CLIP1: variants seen among roughly 807,000 people sequenced by gnomAD.
CLIP1 encodes the protein CAP-Gly domain containing linker protein 1, also known as CAP-Gly domain-containing linker protein 1.
CLIP1 carries 66 observed loss-of-function variants against 161.6 expected under a neutral mutation model. The observed-to-expected ratio is 0.41, with a 90% CI of 0.33 to 0.50. The LOEUF (loss-of-function observed/expected upper bound fraction) is 0.50. CLIP1 is among the 20% of genes least tolerant of loss of function. The probability of loss-of-function intolerance (pLI) is 0.27; values close to 1 mark genes in which losing one functional copy is unlikely to be tolerated. For synonymous variants in CLIP1, 598 were observed against 626.2 expected (o/e 0.96, Z 0.67); for missense variants, 1,376 against 1,702.0 (o/e 0.81, Z 3.37).
At chr12:122,407,885 C>G (rs767682023) in intron 1 of CLIP1, among the ~76,000 whole-genome samples, 17 of 151,776 alleles carry the variant, frequency 1.1e-4, no homozygotes, top group Admixed American at 2.6e-4. Context: ...ACCAAAACTG[C>G]TCTGAACAAG....
At chr12:122,331,787 G>A (rs761316121) in intron 15 of CLIP1, among the ~76,000 whole-genome samples, 2 of 151,574 alleles carry the variant, frequency 1.3e-5, no homozygotes, top group African/African-American at 2.4e-5. Flanking sequence ...CTGAGGTCAG[G>A]AGTTTGAGAC....
intron 20 of CLIP1, among the ~76,000 whole-genome samples, chr12:122,297,021 T>G (rs967760181): frequency 6.6e-6 from 1 of 152,116 alleles, no homozygotes; most frequent in East Asian, 1.9e-4. Flanking sequence ...TTGAAACTTT[T>G]CATAATAAAA....
chr12:122,401,497 C>T (rs1665969516), intron 1 of CLIP1, among the ~76,000 whole-genome samples: 1 of 151,520 alleles, frequency 6.6e-6, no homozygotes, highest in Admixed American at 6.6e-5. Flanking sequence ...GAAGCCCCAT[C>T]TCTACTAAAA....
intron 11 of CLIP1, among the ~76,000 whole-genome samples, chr12:122,338,129 G>T (rs1952328951): frequency 6.6e-6 from 1 of 150,574 alleles, no homozygotes; most frequent in African/African-American, 2.4e-5. Context: ...GCTGAGGTCA[G>T]GAGTTCAAGA....
intron 1 of CLIP1, among the ~76,000 whole-genome samples, chr12:122,407,927 C>T (rs1451779763): frequency 1.3e-5 from 2 of 151,856 alleles, no homozygotes; most frequent in Non-Finnish European, 2.9e-5. Context: ...CTAGAAGAAT[C>T]AAGGTCTTTC....
At chr12:122,297,380 G>A (rs1950515367) in intron 20 of CLIP1, among the ~76,000 whole-genome samples, 1 of 152,086 alleles carries the variant, frequency 6.6e-6, no homozygotes, top group Non-Finnish European at 1.5e-5. Flanking sequence ...TGTTTATTGT[G>A]ATCTCCCCTA....
intron 20 of CLIP1, among the ~76,000 whole-genome samples, chr12:122,308,420 C>T (rs1015545413): frequency 9.2e-5 from 14 of 152,276 alleles, no homozygotes; most frequent in African/African-American, 3.4e-4. Flanking sequence ...TTAGCTTGTG[C>T]CAGGAAAAAA....
At chr12:122,410,097 C>T (rs1956474717) in intron 1 of CLIP1, among the ~76,000 whole-genome samples, 1 of 151,946 alleles carries the variant, frequency 6.6e-6, no homozygotes. Context: ...GTCTTGAACT[C>T]CTGGCCTCAA....
chr12:122,335,272 C>T (rs559928135), intron 12 of CLIP1, among the ~76,000 whole-genome samples: 1 of 152,224 alleles, frequency 6.6e-6, no homozygotes, highest in Admixed American at 6.5e-5. Context: ...CTAGCTACAT[C>T]AAGAAGGTTG....
intron 10 of CLIP1, among the ~76,000 whole-genome samples, chr12:122,345,219 G>A: frequency 6.6e-6 from 1 of 150,694 alleles, no homozygotes; most frequent in African/African-American, 2.5e-5. Context: ...CTATTGCCCA[G>A]GCTGGAGTGC....
At chr12:122,359,836 T>G (rs2136554850) in intron 5 of CLIP1, among the ~76,000 whole-genome samples, 1 of 152,306 alleles carries the variant, frequency 6.6e-6, no homozygotes, top group East Asian at 1.9e-4. Flanking sequence ...GCTCCTGGTC[T>G]GCGGTTCCCC....
intron 1 of CLIP1, among the ~76,000 whole-genome samples, chr12:122,402,172 G>C (rs1321226156): frequency 6.6e-6 from 1 of 152,096 alleles, no homozygotes; most frequent in East Asian, 1.9e-4. Context: ...TAATTTTCAT[G>C]ATATAGTTTA....
intron 24 of CLIP1, chr12:122,275,641 C>CGT (rs1007550708): frequency 2.4e-4 from 21 of 86,266 alleles, no homozygotes; most frequent in African/African-American, 1.2e-3. Context: ...CACACACACA[C>CGT]GCGCACACAC....
chr12:122,414,232 A>C (rs1266197939), intron 1 of CLIP1, among the ~76,000 whole-genome samples: 1 of 152,034 alleles, frequency 6.6e-6, no homozygotes, highest in African/African-American at 2.4e-5. Context: ...TCCTGGGATC[A>C]GATTTCTTGG....
intron 9 of CLIP1, among the ~76,000 whole-genome samples, chr12:122,350,834 G>C (rs374702582): frequency 6.6e-6 from 1 of 151,740 alleles, no homozygotes; most frequent in Non-Finnish European, 1.5e-5. Context: ...CAGGTCTCCA[G>C]ACAAAAAACA....
rs755000883 is a variant in CLIP1, at chr12:122,341,275, T to A, written c.1929A>T (p.Val643=). The change falls in exon 11 of 26, where the codon GTA becomes GTT. Residue 643 remains valine, a synonymous_variant. Transcript: ENST00000620786. ...CTGTTCCAAGCCCTTTGCTGAAAGA[T>A]ACCTTCAGTTCTTCCATCGCCTGCT... ...SHQQAMEELK[V]SFSKGLGTET... The A allele has an allele frequency of 6.2e-7, 1 of 1,614,078 alleles. No homozygotes were observed. The highest frequency in any genetic ancestry group is 1.1e-5 in the South Asian group (1 of 91,076).
chr12:122,330,352 G>A (rs571218515), intron 15 of CLIP1, among the ~76,000 whole-genome samples: 22 of 152,136 alleles, frequency 1.4e-4, no homozygotes, highest in Non-Finnish European at 2.9e-4. Flanking sequence ...ACTCAGCACC[G>A]ATGAAATTGT....
Position 122,341,359 on chromosome 12 carries a change from C to A in CLIP1, c.1845G>T (p.Glu615Asp), listed in dbSNP as rs1419725052. 1.2e-6 allele frequency: 2 copies of A among 1,614,110 alleles called. No homozygotes were observed. Among genetic ancestry groups the A allele is most frequent in the East Asian group, 4.5e-5 (2 of 44,874 alleles). ...TCCATAGAGCTATCACATCTGAGTT[C>A]TCTTTGTTGGCATGCTCCAGCTTGC... ...LKSKLEHANK[E>D]NSDVIALWKS... Residue 615 changes from glutamate to aspartate, a missense_variant, in exon 11 of 26, where the codon GAG becomes GAT. Glu to Asp is a conservative substitution (Grantham distance 45). Transcript: ENST00000620786.
chr12:122,301,781 C>A (rs1049283783), intron 20 of CLIP1, among the ~76,000 whole-genome samples: 2 of 152,194 alleles, frequency 1.3e-5, no homozygotes, highest in African/African-American at 2.4e-5. Flanking sequence ...TCCTTGTGTC[C>A]GCTTCTCTTT....
Sources: allele counts gnomAD v4.1 joint callset (sites outside exome capture counted in the v4.1 genomes callset), GRCh38; gene constraint gnomAD v4.1.1; transcripts MANE v1.5; gene names NCBI Gene and HGNC (gene_info 2026-07-23, HGNC 2026-07-21).